The following POM121 variants were observed in gnomAD, a reference collection of about 807,000 sequenced individuals.
POM121 encodes the protein POM121 transmembrane nucleoporin.
POM121 carries 32 observed loss-of-function variants against 81.3 expected under a neutral mutation model. That is an observed-to-expected ratio of 0.39 (90% CI 0.30 to 0.53). The LOEUF (loss-of-function observed/expected upper bound fraction) is 0.53. Among genes scored for constraint, POM121 ranks in the 20% least tolerant of loss-of-function variants. POM121 has a pLI of 0.66. For missense variants in POM121, 1,138 were observed against 1,614.6 expected (o/e 0.70, Z 5.06); for synonymous variants, 514 against 694.2 (o/e 0.74, Z 4.08).
At position 72,939,775 on chromosome 7, in the gene POM121, G is replaced by A. The variant is rs1235822385; in HGVS notation, c.1442-72G>A. The A allele has an allele frequency of 5.4e-5, 87 of 1,610,556 alleles. No individual in the cohort carries two copies. The Admixed American group carries it at 7.3e-4, about 14-fold the overall frequency. On this transcript the variant is annotated intron_variant, in intron 7 of 12. Coordinates refer to ENST00000434423, the MANE Select transcript of POM121 (RefSeq NM_001387691.1). ...CCATTGAAAACTCAATGTGAAATGC[G>A]AAGTGGGTAGACACAACCATCCATT...
chr7:72,947,590 G>GT lies in POM121; in HGVS notation c.*1362dup, dbSNP rs1797778289. 5.6e-6 allele frequency: 1 copy of GT among 179,260 alleles called. No individual in the cohort carries two copies. Among genetic ancestry groups the GT allele is most frequent in the African/African-American group, 2.6e-5 (1 of 37,974 alleles). 11.1% of individuals were successfully genotyped at this position (179,260 alleles called of 1,614,324 possible). On this transcript the variant is annotated 3_prime_UTR_variant, in exon 13 of 13. Coordinates refer to ENST00000434423, the MANE Select transcript of POM121 (RefSeq NM_001387691.1). ...AATTAAAAGAAAAAAATATTTAAAC[G>GT]TTTTTTAACAAAAATTTATTTTTGT...
intron 5 of POM121, among the ~76,000 whole-genome samples, chr7:72,932,744 A>G (rs1428274100): frequency 7.9e-5 from 12 of 152,056 alleles, no homozygotes; most frequent in Non-Finnish European, 1.3e-4. Context: ...GCTTTTACCA[A>G]TTTCACAGGT....
intron 4 of POM121, among the ~76,000 whole-genome samples, chr7:72,919,691 G>A (rs144796000): frequency 2.6e-5 from 4 of 152,052 alleles, no homozygotes; most frequent in African/African-American, 4.8e-5. Context: ...TATGTTGCCC[G>A]GGCTGGTCTC....
rs556109980 is a variant in POM121 at position 72,890,628 on chromosome 7, G to A, written c.-519G>A. 55 of 1,600,754 alleles carry A rather than the reference G, an allele frequency of 3.4e-5. No individual in the cohort carries two copies. In the South Asian group the frequency reaches 6.0e-4, roughly 18 times the overall value. ...ATTCTGATCATGTTGCCATTACAGG[G>A]GCCAGTGTCATTCAAAGATGTGGCT... On this transcript the variant is annotated splice_region_variant and 5_prime_UTR_variant, in exon 2 of 16. Transcript: ENST00000395270.
At position 72,943,301 on chromosome 7, in the gene POM121, C is replaced by T; in HGVS notation, c.3308C>T (p.Ala1103Val). 2 of 1,608,212 alleles carry T rather than the reference C, an allele frequency of 1.2e-6. No homozygotes were observed. The highest frequency in any genetic ancestry group is 2.2e-5 in the East Asian group (1 of 44,572). The change falls in exon 11 of 13, where the codon GCA becomes GTA. Residue 1103 changes from alanine (A) to valine (V), a missense_variant. Physicochemically the swap from Ala to Val is moderately conservative, Grantham distance 64. Transcript: ENST00000434423. The stretch of plus-strand genomic sequence containing the variant: ...TCACCCTTCACGTTTGGGGGTTCGG[C>T]AGCCCCCGCTGGCAGTGGGAGCTTT... ...TPSPFTFGGS[A>V]APAGSGSFGI...
At chr7:72,916,738 C>G (rs1794323609) in intron 4 of POM121, among the ~76,000 whole-genome samples, 1 of 152,170 alleles carries the variant, frequency 6.6e-6, no homozygotes, top group South Asian at 2.1e-4. Flanking sequence ...AGCATTGACT[C>G]TGTAAATTAT....
chr7:72,896,123 T>C (rs566763080), intron 3 of POM121, among the ~76,000 whole-genome samples: 1 of 151,816 alleles, frequency 6.6e-6, no homozygotes, highest in Admixed American at 6.6e-5. Context: ...CCGTTGTCAA[T>C]CTTTGGGTTT....
In POM121 at chr7:72,945,698, T is replaced by C. The variant is rs782298096; in HGVS notation, c.3642T>C (p.Val1214=). The C allele has an allele frequency of 4.7e-5, 76 of 1,610,212 alleles. No individual in the cohort carries two copies. The Admixed American group carries it at 1.2e-3, about 26-fold the overall frequency. Residue 1214 remains valine (V), a synonymous_variant, in exon 12 of 13, where the codon GTT becomes GTC. Coordinates refer to ENST00000434423, the MANE Select transcript of POM121 (RefSeq NM_001387691.1). ...SSAPAQGFVG[V]APFGSAALSF... is the part of the protein sequence containing the mutation. ...CACCCGCCCAAGGCTTTGTTGGTGT[T>C]GCACCTTTCGGTAAGCAGCAAGCCA...
At chr7:72,949,817 T>C (rs367694854), downstream of POM121, 2 of 1,275,800 alleles carry the variant, frequency 1.6e-6, no homozygotes, top group African/African-American at 3.0e-5. Context: ...TCAAACCCCA[T>C]GTCCTCCTCC....
chr7:72,900,193 A>T (rs1352828042), intron 3 of POM121, among the ~76,000 whole-genome samples: 1 of 152,192 alleles, frequency 6.6e-6, no homozygotes, highest in African/African-American at 2.4e-5. Flanking sequence ...ATTGACTGTC[A>T]TTTTGAGTGA....
intron 1 of POM121, among the ~76,000 whole-genome samples, chr7:72,887,443 C>T (rs1469268746): frequency 7.2e-5 from 11 of 152,146 alleles, no homozygotes; most frequent in African/African-American, 1.9e-4. Flanking sequence ...GGCCTGGAAA[C>T]GCTCAAGGCA....
Position 72,890,754 on chromosome 7 carries a change from G to A in POM121, c.-394+1G>A, listed in dbSNP as rs2129574817. The A allele has an allele frequency of 1.9e-6, 3 of 1,600,934 alleles. No individual in the cohort carries two copies. Among genetic ancestry groups the A allele is most frequent in the Non-Finnish European group, 8.5e-7 (1 of 1,171,210 alleles). On this transcript the variant is annotated splice_donor_variant, in intron 2 of 15. Transcript: ENST00000395270. LOFTEE classifies it low-confidence loss of function (5UTR_SPLICE). ...AACTACAGCCATCTAGTTTCCCTGGGTGAGGATAGCTTGCTTTCTGAATGC... is the reference window on the plus strand; with the variant it reads ...AACTACAGCCATCTAGTTTCCCTGGATGAGGATAGCTTGCTTTCTGAATGC...
In POM121 at chr7:72,945,653, C is replaced by G; in HGVS notation, c.3597C>G (p.Leu1199=). Residue 1199 remains leucine (L), a synonymous_variant, in exon 12 of 13, where the codon CTC becomes CTG. Coordinates refer to ENST00000434423, the MANE Select transcript of POM121 (RefSeq NM_001387691.1). ...APGVGTSGSS[L]SFGASSAPAQ... ...GAGTGGGCACATCAGGCAGCAGCCT[C>G]TCCTTTGGGGCATCCTCAGCACCCG... is the stretch of plus-strand genomic sequence containing the variant. 1 of 1,613,170 alleles carries G rather than the reference C, an allele frequency of 6.2e-7. No individual in the cohort carries two copies. Among genetic ancestry groups the G allele is most frequent in the Non-Finnish European group, 8.5e-7 (1 of 1,179,494 alleles).
At chr7:72,949,366 G>T, downstream of POM121, 2 of 837,320 alleles carry the variant, frequency 2.4e-6, no homozygotes, top group East Asian at 2.4e-5. Flanking sequence ...ACGATAGCGC[G>T]GATCTAAGGG....
intron 5 of POM121, among the ~76,000 whole-genome samples, chr7:72,935,076 G>T (rs1164155131): frequency 6.6e-6 from 1 of 151,676 alleles, no homozygotes; most frequent in Non-Finnish European, 1.5e-5. Context: ...TACTGATTGG[G>T]ATTGCCTTTC....
chr7:72,920,596 C>T (rs1242107524), upstream of POM121, among the ~76,000 whole-genome samples: 3 of 152,008 alleles, frequency 2.0e-5, no homozygotes, highest in Non-Finnish European at 4.4e-5. Flanking sequence ...CCTCATGATC[C>T]GCCCGCCTTG....
downstream of POM121, chr7:72,949,306 A>G (rs1554504249): frequency 1.5e-5 from 12 of 818,040 alleles, no homozygotes; most frequent in Middle Eastern, 2.2e-4. Flanking sequence ...CCTTCTCACC[A>G]TCTCACCCGA....
At chr7:72,919,215 T>TC (rs1794578744) in intron 4 of POM121, among the ~76,000 whole-genome samples, 1 of 151,200 alleles carries the variant, frequency 6.6e-6, no homozygotes, top group East Asian at 1.9e-4. Flanking sequence ...CTTTTTTTTT[T>TC]TTTTTTTTTT....
intron 5 of POM121, among the ~76,000 whole-genome samples, chr7:72,936,772 A>G (rs1796551909): frequency 1.3e-5 from 2 of 152,072 alleles, no homozygotes; most frequent in South Asian, 2.1e-4. Context: ...TCTGGAGCAC[A>G]TTGTGAAGAA....
Sources: allele counts gnomAD v4.1 joint callset (sites outside exome capture counted in the v4.1 genomes callset), GRCh38; gene constraint gnomAD v4.1.1; transcripts MANE v1.5; gene names NCBI Gene and HGNC (gene_info 2026-07-23, HGNC 2026-07-21).